Variants in ARHGAP10 observed in about 807,000 individuals in gnomAD.
ARHGAP10 encodes the protein rho GTPase-activating protein 10.
Under a neutral mutation model 108.6 loss-of-function variants are expected in ARHGAP10, and 87 were observed. The ratio of observed to expected loss-of-function variants is 0.80; its 90% CI spans 0.67 to 0.96. The LOEUF is 0.96. Among genes scored for constraint, ARHGAP10 ranks in the 40% least tolerant of loss-of-function variants. The pLI is 0.00. For missense variants in ARHGAP10, 939 were observed against 954.5 expected (o/e 0.98, Z 0.21); for synonymous variants, 347 against 341.1 (o/e 1.02, Z -0.19).
At chr4:148,067,215 C>T (rs1225936386) in intron 22 of ARHGAP10, among the ~76,000 whole-genome samples, 1 of 152,244 alleles carries the variant, frequency 6.6e-6, no homozygotes, top group Non-Finnish European at 1.5e-5. Context: ...GAATCAACAG[C>T]ATTAGGCTTG....
At chr4:147,817,751 C>CTTTT (rs1269277884) in intron 1 of ARHGAP10, among the ~76,000 whole-genome samples, 5 of 152,194 alleles carry the variant, frequency 3.3e-5, no homozygotes, top group Admixed American at 3.3e-4. Flanking sequence ...TTTATGTTAG[C>CTTTT]TGTGCTTTTT....
intron 1 of ARHGAP10, among the ~76,000 whole-genome samples, chr4:147,802,278 T>TA (rs1560766700): frequency 6.6e-6 from 1 of 152,240 alleles, no homozygotes; most frequent in Non-Finnish European, 1.5e-5. Flanking sequence ...TCACTCATAG[T>TA]AAAACTCCAA....
At chr4:147,803,818 T>G (rs1163543293) in intron 1 of ARHGAP10, among the ~76,000 whole-genome samples, 1 of 152,232 alleles carries the variant, frequency 6.6e-6, no homozygotes, top group Non-Finnish European at 1.5e-5. Context: ...AGACCATGTT[T>G]TCTTTATCCA....
At chr4:147,931,795 G>A (rs1303603055) in intron 13 of ARHGAP10, among the ~76,000 whole-genome samples, 1 of 152,146 alleles carries the variant, frequency 6.6e-6, no homozygotes, top group Non-Finnish European at 1.5e-5. Flanking sequence ...GATGCCAAAA[G>A]CAATTGCAAC....
chr4:147,903,129 C>G (rs534357388), intron 10 of ARHGAP10, among the ~76,000 whole-genome samples: 22 of 152,232 alleles, frequency 1.4e-4, no homozygotes, highest in African/African-American at 5.3e-4. Flanking sequence ...CCAGGGAGGC[C>G]CTGTGTGGCT....
intron 11 of ARHGAP10, among the ~76,000 whole-genome samples, chr4:147,908,099 C>T (rs1199677899): frequency 6.6e-6 from 1 of 152,192 alleles, no homozygotes; most frequent in Admixed American, 6.5e-5. Context: ...CCACCTTGGC[C>T]TCCCAAAGTG....
chr4:148,039,061 G>A (rs547551910), intron 19 of ARHGAP10, among the ~76,000 whole-genome samples: 3 of 151,834 alleles, frequency 2.0e-5, no homozygotes, highest in African/African-American at 7.2e-5. Flanking sequence ...CCACCATGTT[G>A]GTATTTTCCA....
chr4:148,037,953 C>G (rs1330817612), intron 19 of ARHGAP10, among the ~76,000 whole-genome samples: 1 of 151,982 alleles, frequency 6.6e-6, no homozygotes, highest in South Asian at 2.1e-4. Flanking sequence ...AGCTCCTAGA[C>G]AGATTTAACT....
intron 7 of ARHGAP10, among the ~76,000 whole-genome samples, chr4:147,868,882 A>G (rs1247010253): frequency 6.6e-6 from 1 of 152,018 alleles, no homozygotes; most frequent in African/African-American, 2.4e-5. Flanking sequence ...CTGCCATGTG[A>G]CCCGGTTCCT....
chr4:147,964,167 C>G (rs1739111112), intron 16 of ARHGAP10, among the ~76,000 whole-genome samples: 1 of 152,190 alleles, frequency 6.6e-6, no homozygotes, highest in Non-Finnish European at 1.5e-5. Flanking sequence ...CGTGACCCCC[C>G]TCCCTACGAG....
chr4:147,871,141 G>A (rs952651200), intron 7 of ARHGAP10, among the ~76,000 whole-genome samples: 44 of 151,988 alleles, frequency 2.9e-4, no homozygotes, highest in Admixed American at 4.6e-4. Context: ...TGTATTTTTA[G>A]TAGAGACGGG....
intron 1 of ARHGAP10, among the ~76,000 whole-genome samples, chr4:147,822,382 C>T (rs768462445): frequency 5.9e-5 from 9 of 152,170 alleles, no homozygotes; most frequent in Non-Finnish European, 1.3e-4. Flanking sequence ...TAATCACAGC[C>T]TGAACTTCAG....
intron 7 of ARHGAP10, among the ~76,000 whole-genome samples, chr4:147,867,666 C>T (rs991637338): frequency 1.3e-4 from 20 of 151,998 alleles, no homozygotes; most frequent in Admixed American, 1.2e-3. Flanking sequence ...GAGATTGAGA[C>T]CATGCTGGCC....
chr4:147,921,231 A>AT (rs1455626661), intron 13 of ARHGAP10, among the ~76,000 whole-genome samples: 1 of 152,178 alleles, frequency 6.6e-6, no homozygotes, highest in Admixed American at 6.5e-5. Flanking sequence ...TCTGCAAGGA[A>AT]TTTTACCTTG....
chr4:147,893,018 A>G (rs1023217555), intron 10 of ARHGAP10, among the ~76,000 whole-genome samples: 2 of 152,198 alleles, frequency 1.3e-5, no homozygotes, highest in East Asian at 3.8e-4. Context: ...TGCATGTGAT[A>G]AGATAGAGAC....
At chr4:147,912,292 C>G (rs1302056855) in intron 12 of ARHGAP10, among the ~76,000 whole-genome samples, 3 of 151,734 alleles carry the variant, frequency 2.0e-5, no homozygotes, top group African/African-American at 7.3e-5. Flanking sequence ...GTAATCCCAG[C>G]ACTTTGGGAT....
intron 13 of ARHGAP10, among the ~76,000 whole-genome samples, chr4:147,938,011 C>A (rs961449983): frequency 6.6e-6 from 1 of 152,138 alleles, no homozygotes; most frequent in Non-Finnish European, 1.5e-5. Context: ...CATAAAGTAC[C>A]ACGGACTACT....
At chr4:147,856,107 C>G (rs1402953256) in intron 4 of ARHGAP10, among the ~76,000 whole-genome samples, 1 of 152,160 alleles carries the variant, frequency 6.6e-6, no homozygotes, top group Non-Finnish European at 1.5e-5. Flanking sequence ...ATGGTGTGCT[C>G]TCATTGATAC....
At chr4:147,907,159 G>A (rs1239900765) in intron 11 of ARHGAP10, among the ~76,000 whole-genome samples, 1 of 152,136 alleles carries the variant, frequency 6.6e-6, no homozygotes. Flanking sequence ...TCATCTAGTA[G>A]TTTACAGTAT....
Sources: gnomAD v4.1 joint callset for allele counts (sites outside exome capture counted in the v4.1 genomes callset) on GRCh38, gnomAD v4.1.1 for gene constraint, MANE v1.5 for transcripts, NCBI Gene and HGNC (gene_info 2026-07-23, HGNC 2026-07-21) for gene names.